The following FGD5 variants were observed in gnomAD, a reference collection of about 807,000 sequenced individuals.
The protein encoded by FGD5 is FYVE, RhoGEF and PH domain containing 5, also known as FYVE, RhoGEF and PH domain-containing protein 5.
Under a neutral mutation model 133.4 loss-of-function variants are expected in FGD5, and 28 were observed. That is an observed-to-expected ratio of 0.21 (90% CI 0.16 to 0.29). FGD5 has a LOEUF of 0.29. FGD5 is among the 10% of genes least tolerant of loss of function. FGD5 has a pLI of 1.00. For missense variants in FGD5, 1,858 were observed against 1,895.2 expected, an observed-to-expected ratio of 0.98 and a Z score of 0.36; for synonymous variants, 810 against 776.5, an observed-to-expected ratio of 1.04 and a Z score of -0.72.
At chr3:14,862,897 C>T (rs554595141) in intron 1 of FGD5, among the ~76,000 whole-genome samples, 14 of 152,218 alleles carry the variant, frequency 9.2e-5, no homozygotes, top group African/African-American at 3.4e-4. Flanking sequence ...TGGCAGAGCC[C>T]CAAGCTGCTT....
intron 1 of FGD5, among the ~76,000 whole-genome samples, chr3:14,834,694 A>G (rs2036781669): frequency 6.6e-6 from 1 of 152,220 alleles, no homozygotes; most frequent in African/African-American, 2.4e-5. Context: ...CCTGTGCCAC[A>G]CACAGTAGGG....
At position 14,918,932 on chromosome 3, in the gene FGD5, C is replaced by A. The variant is rs370683481; in HGVS notation, c.3569+99C>A. On this transcript the variant is annotated intron_variant, in intron 13 of 19. Transcript: ENST00000285046. ...GGATGTGCTGTTTTTATTTTGGTATCCTTCTGGGTCAAAGTATCCTTCTGG... is the reference window on the plus strand; with the variant it reads ...GGATGTGCTGTTTTTATTTTGGTATACTTCTGGGTCAAAGTATCCTTCTGG... 4.7e-5 allele frequency: 61 copies of A among 1,294,360 alleles called. No individual in the cohort carries two copies. In the African/African-American group the frequency reaches 6.5e-4, roughly 14 times the overall value. The allele number at this position is 1,294,360 out of a possible 1,614,324, so 80.2% of individuals were successfully genotyped here. A position where few individuals can be genotyped will look rare whatever the true frequency, so the allele number is the denominator to read the frequency against.
At chr3:14,892,385 C>T (rs1026321700) in intron 4 of FGD5, among the ~76,000 whole-genome samples, 9 of 151,868 alleles carry the variant, frequency 5.9e-5, no homozygotes, top group African/African-American at 2.2e-4. Context: ...ATATTTTTGG[C>T]AGTCTCGCCA....
chr3:14,933,076 C>T, intron 19 of FGD5, 55 bp from the exon 20 acceptor site: 1 of 1,592,608 alleles, frequency 6.3e-7, no homozygotes, highest in South Asian at 1.1e-5. Context: ...GGTTCTGTGA[C>T]CAGAGTCATA....
At chr3:14,894,728 C>G (rs1167427846) in intron 4 of FGD5, among the ~76,000 whole-genome samples, 1 of 138,508 alleles carries the variant, frequency 7.2e-6, no homozygotes, top group Non-Finnish European at 1.5e-5. Context: ...CCAGACTGGT[C>G]TTGAACTCCT....
At chr3:14,852,418 T>A (rs940089116) in intron 1 of FGD5, among the ~76,000 whole-genome samples, 4 of 152,234 alleles carry the variant, frequency 2.6e-5, no homozygotes, top group Admixed American at 6.5e-5. Context: ...GACTAGCGGT[T>A]GCCAGGGGCT....
In FGD5 at chr3:14,924,017, T is replaced by G; in HGVS notation, c.3947T>G (p.Val1316Gly). 6.2e-7 allele frequency: 1 copy of G among 1,613,986 alleles called. No homozygotes were observed. The highest frequency in any genetic ancestry group is 2.2e-5 in the East Asian group (1 of 44,864). ...CTTCTTTCAGTTACAGAGCGGCCTGTGAGCATGAGCTTCCCGCTGTCTTCA... is the reference window on the plus strand; with the variant it reads ...CTTCTTTCAGTTACAGAGCGGCCTGGGAGCATGAGCTTCCCGCTGTCTTCA... ...AVPGLMRERPVSMSFPLSSPR... is the reference protein window; with the variant it reads ...AVPGLMRERPGSMSFPLSSPR... The change falls in exon 17 of 20, where the codon GTG becomes GGG. Residue 1316 changes from valine to glycine, a missense_variant. Val to Gly is a moderately radical substitution (Grantham distance 109). This residue lies in a region of FGD5 where 1,824 missense variants were observed against 1,848.9 expected (regional missense o/e 0.99). Transcript: ENST00000285046.
chr3:14,915,181 C>T (rs190976449), intron 11 of FGD5, among the ~76,000 whole-genome samples: 8 of 152,322 alleles, frequency 5.3e-5, no homozygotes, highest in Admixed American at 2.6e-4. Context: ...CAGCAAGGCC[C>T]GGAGAGAGGG....
At chr3:14,876,590 GACATTTTT>G (rs2125114469) in intron 2 of FGD5, among the ~76,000 whole-genome samples, 1 of 152,214 alleles carries the variant, frequency 6.6e-6, no homozygotes, top group African/African-American at 2.4e-5. Context: ...ACAAAAGAGT[GACATTTTT>G]ACATTTTTAC....
rs1296688610 is a variant in FGD5, at chr3:14,921,913, C to T, written c.3570-5C>T. ...GCCTTTGCTCACTCCAGCCCATGCC[C>T]GCAGCTCCTGTGCAGAGAGGGACGA... On this transcript the variant is annotated splice_region_variant and splice_polypyrimidine_tract_variant and intron_variant, in intron 13 of 19. Transcript: ENST00000285046. The T allele has an allele frequency of 3.2e-6, 5 of 1,560,586 alleles. No homozygotes were observed. The highest frequency in any genetic ancestry group is 1.9e-5 in the Admixed American group (1 of 52,028).
chr3:14,924,719 G>T (rs1224183010), intron 17 of FGD5, among the ~76,000 whole-genome samples: 1 of 152,148 alleles, frequency 6.6e-6, no homozygotes, highest in Non-Finnish European at 1.5e-5. Flanking sequence ...CAGGTAGCAA[G>T]GGTTTAAAAA....
intron 17 of FGD5, among the ~76,000 whole-genome samples, chr3:14,924,757 G>C (rs777708268): frequency 5.9e-5 from 9 of 152,108 alleles, no homozygotes; most frequent in Non-Finnish European, 1.0e-4. Context: ...AATTTAAATA[G>C]GTACAGTTTT....
intron 2 of FGD5, among the ~76,000 whole-genome samples, chr3:14,870,800 A>G (rs141467141): frequency 2.0e-5 from 3 of 152,072 alleles, no homozygotes; most frequent in East Asian, 1.9e-4. Flanking sequence ...CACATCCCAT[A>G]CCAAGCTCAT....
chr3:14,821,120 G>A lies in FGD5; in HGVS notation c.2049G>A (p.Glu683=), dbSNP rs767377384. Residue 683 remains glutamate, a synonymous_variant, in exon 1 of 20, where the codon GAG becomes GAA. Transcript: ENST00000285046. ...TGTCTTCCTCTAGGTCCTCTTCAGAGTCCAGCTACCACGGGCCTTCCAGGA... is the reference window on the plus strand; with the variant it reads ...TGTCTTCCTCTAGGTCCTCTTCAGAATCCAGCTACCACGGGCCTTCCAGGA... ...VNVSSSRSSS[E]SSYHGPSRIL... is the part of the protein sequence containing the mutation. 8 of 1,613,870 alleles carry A rather than the reference G, an allele frequency of 5.0e-6. No individual in the cohort carries two copies. Among genetic ancestry groups the A allele is most frequent in the African/African-American group, 1.3e-5 (1 of 74,914 alleles).
chr3:14,931,473 G>A (rs13084509), intron 18 of FGD5: 23,031 of 152,164 alleles, frequency 0.15, 2,023 homozygotes, highest in East Asian at 0.28. Flanking sequence ...ACAGGTACAT[G>A]CCACTGTGCC....
In FGD5 at chr3:14,853,806, T is replaced by C. The variant is rs559987576; in HGVS notation, c.2526-10322T>C. ...TCATCTCCCCACGTGGAGGCACATA[T>C]CCTCTTACAACTCTAGGCTGCCGAA... On this transcript the variant is annotated intron_variant, in intron 1 of 19. Coordinates refer to ENST00000285046, the MANE Select transcript of FGD5 (RefSeq NM_152536.4). Among the ~76,000 whole-genome samples, 12 of 147,190 alleles carry C rather than the reference T, an allele frequency of 8.2e-5. No individual in the cohort carries two copies. The South Asian group carries it at 2.6e-3, about 32-fold the overall frequency.
intron 4 of FGD5, among the ~76,000 whole-genome samples, chr3:14,881,952 C>A (rs1441359108): frequency 6.6e-6 from 1 of 152,144 alleles, no homozygotes; most frequent in East Asian, 1.9e-4. Context: ...AGCTGAGGTC[C>A]CTGTCAGCAA....
intron 4 of FGD5, 84 bp downstream of exon 4, chr3:14,880,856 A>G (rs2037811631): frequency 6.5e-7 from 1 of 1,540,310 alleles, no homozygotes; most frequent in Non-Finnish European, 8.8e-7. Context: ...ATGTGGAGAC[A>G]GAGGTGATTT....
At chr3:14,878,395 G>A (rs2037759745) in intron 2 of FGD5, among the ~76,000 whole-genome samples, 1 of 152,130 alleles carries the variant, frequency 6.6e-6, no homozygotes, top group Non-Finnish European at 1.5e-5. Context: ...TGCAGTTAAG[G>A]CCTTTCCCTT....
Sources: gnomAD v4.1 joint callset for allele counts (sites outside exome capture counted in the v4.1 genomes callset) on GRCh38, gnomAD v4.1.1 for gene constraint, gnomAD v4.1.1 regional missense constraint, MANE v1.5 for transcripts, NCBI Gene and HGNC (gene_info 2026-07-23, HGNC 2026-07-21) for gene names.